The following SORCS2 variants were observed in gnomAD, a reference collection of about 807,000 sequenced individuals.
SORCS2 encodes VPS10 domain-containing receptor SorCS2.
A neutral mutation model predicts 141.6 loss-of-function variants in SORCS2; 100 were observed. The ratio of observed to expected loss-of-function variants is 0.71; its 90% confidence interval spans 0.60 to 0.83. SORCS2 has a LOEUF of 0.83. SORCS2 is among the 40% of genes least tolerant of loss of function. SORCS2 has a pLI of 0.00. For missense variants in SORCS2, 1,646 were observed against 1,560.2 expected (o/e 1.05, Z -0.93); for synonymous variants, 789 against 676.9 (o/e 1.17, Z -2.57).
intron 3 of SORCS2, among the ~76,000 whole-genome samples, chr4:7,534,114 A>T (rs962697192): frequency 1.3e-5 from 2 of 152,238 alleles, no homozygotes; most frequent in African/African-American, 4.8e-5. Context: ...ATTGGGTCTG[A>T]TGGTGGCCTG....
chr4:7,428,446 G>A (rs1471228842), intron 2 of SORCS2, among the ~76,000 whole-genome samples: 5 of 152,162 alleles, frequency 3.3e-5, no homozygotes, highest in African/African-American at 9.7e-5. Context: ...CCTGCAGCTC[G>A]CATTCCAAGG....
chr4:7,674,387 CA>C (rs1295492141), intron 8 of SORCS2, among the ~76,000 whole-genome samples: 4 of 151,932 alleles, frequency 2.6e-5, no homozygotes, highest in African/African-American at 9.7e-5. Flanking sequence ...TCCTGGCTAA[CA>C]CAGTGAAACC....
intron 1 of SORCS2, among the ~76,000 whole-genome samples, chr4:7,293,219 G>A (rs981335589): frequency 6.6e-6 from 1 of 152,126 alleles, no homozygotes. Context: ...CAGGAGAATG[G>A]CGTGAACCCA....
intron 3 of SORCS2, among the ~76,000 whole-genome samples, chr4:7,627,582 C>A (rs1243098608): frequency 2.0e-5 from 3 of 152,172 alleles, no homozygotes; most frequent in Non-Finnish European, 4.4e-5. Flanking sequence ...TGGCAGAGAG[C>A]TTTTATTTGA....
At chr4:7,299,355 G>A (rs1053604654) in intron 1 of SORCS2, among the ~76,000 whole-genome samples, 57 of 152,234 alleles carry the variant, frequency 3.7e-4, no homozygotes, top group African/African-American at 1.2e-3. Context: ...ATCCCAATCC[G>A]CTCTCCACCG....
rs1724071588 is a variant in SORCS2, at chr4:7,689,397, C to T, written c.1489-89C>T. ...TGGCCCAGCCTTCTCTCCCAAAAAG[C>T]CACAGGGGCAGATTTGTCATCAGGC... On this transcript the variant is annotated intron_variant, in intron 10 of 26. Transcript: ENST00000507866. 3 of 1,290,310 alleles carry T rather than the reference C, an allele frequency of 2.3e-6. No homozygotes were observed. The South Asian group carries it at 4.1e-5, about 18-fold the overall frequency. The allele number at this position is 1,290,310 out of a possible 1,614,324, so 79.9% of individuals were successfully genotyped here. A position where few individuals can be genotyped will look rare whatever the true frequency, so the allele number is the denominator to read the frequency against.
chr4:7,265,213 C>G (rs1399024085), intron 1 of SORCS2, among the ~76,000 whole-genome samples: 1 of 152,212 alleles, frequency 6.6e-6, no homozygotes, highest in African/African-American at 2.4e-5. Context: ...AAGGTGTAGG[C>G]TGGGCACGAT....
At chr4:7,608,840 G>A (rs1265503938) in intron 3 of SORCS2, among the ~76,000 whole-genome samples, 3 of 152,136 alleles carry the variant, frequency 2.0e-5, no homozygotes, top group African/African-American at 4.8e-5. Flanking sequence ...TTCTGCTTGG[G>A]GCCGGGCAGG....
intron 23 of SORCS2, among the ~76,000 whole-genome samples, chr4:7,732,697 C>G (rs192716625): frequency 3.2e-3 from 490 of 152,172 alleles, no homozygotes; most frequent in Non-Finnish European, 3.5e-3. Context: ...CCTCCTGGAG[C>G]ACCCCTGCAT....
chr4:7,506,046 C>G (rs529391341), intron 2 of SORCS2, among the ~76,000 whole-genome samples: 19 of 152,252 alleles, frequency 1.2e-4, no homozygotes, highest in African/African-American at 4.1e-4. Flanking sequence ...GGTTCAGTCC[C>G]TCTCTCTATA....
intron 2 of SORCS2, among the ~76,000 whole-genome samples, chr4:7,438,279 G>C (rs1461027145): frequency 6.6e-6 from 1 of 152,192 alleles, no homozygotes; most frequent in Non-Finnish European, 1.5e-5. Flanking sequence ...TTTGTAGAAT[G>C]TCCCTCTGTG....
chr4:7,537,978 A>C (rs1457513079), intron 3 of SORCS2, among the ~76,000 whole-genome samples: 1 of 152,162 alleles, frequency 6.6e-6, no homozygotes, highest in African/African-American at 2.4e-5. Context: ...ACAGTGAGAC[A>C]CTGTCTCAAA....
intron 5 of SORCS2, among the ~76,000 whole-genome samples, chr4:7,659,364 T>C (rs577721591): frequency 1.3e-5 from 2 of 152,048 alleles, no homozygotes; most frequent in Non-Finnish European, 2.9e-5. Flanking sequence ...GACACCAAAA[T>C]TGGACTCCAT....
intron 2 of SORCS2, chr4:7,433,489 T>A: frequency 6.3e-7 from 1 of 1,593,076 alleles, no homozygotes; most frequent in South Asian, 1.2e-5. Flanking sequence ...CCCCACCTTC[T>A]TGCACACAGC....
chr4:7,274,170 C>T (rs917855858), intron 1 of SORCS2, among the ~76,000 whole-genome samples: 4 of 152,224 alleles, frequency 2.6e-5, no homozygotes, highest in African/African-American at 4.8e-5. Context: ...AAAACAGATC[C>T]GGCTGGACAG....
At chr4:7,717,325 A>G (rs1305602948) in intron 17 of SORCS2, among the ~76,000 whole-genome samples, 1 of 152,208 alleles carries the variant, frequency 6.6e-6, no homozygotes, top group Non-Finnish European at 1.5e-5. Context: ...TGCCCCAGCC[A>G]GCGCCATCAC....
chr4:7,625,902 G>A (rs925440454), intron 3 of SORCS2, among the ~76,000 whole-genome samples: 4 of 151,954 alleles, frequency 2.6e-5, no homozygotes, highest in Admixed American at 6.6e-5. Flanking sequence ...ACTGTGTAAG[G>A]CCAAGGCAGG....
intron 8 of SORCS2, among the ~76,000 whole-genome samples, chr4:7,674,881 C>G (rs1723017709): frequency 6.6e-6 from 1 of 152,162 alleles, no homozygotes; most frequent in African/African-American, 2.4e-5. Flanking sequence ...CCCAAGCATC[C>G]CAGCCACAGC....
intron 10 of SORCS2, among the ~76,000 whole-genome samples, chr4:7,684,904 C>A (rs1488224928): frequency 6.6e-6 from 1 of 152,140 alleles, no homozygotes; most frequent in African/African-American, 2.4e-5. Flanking sequence ...AGCCCTGACC[C>A]TGGGGCCAGG....
Sources: gnomAD v4.1 joint callset for allele counts (sites outside exome capture counted in the v4.1 genomes callset) on GRCh38, gnomAD v4.1.1 for gene constraint, MANE v1.5 for transcripts, NCBI Gene and HGNC (gene_info 2026-07-23, HGNC 2026-07-21) for gene names.